Variants in RIT2 observed in about 807,000 individuals in gnomAD.
RIT2 encodes Ras like without CAAX 2.
In RIT2, 24 loss-of-function variants were observed where a neutral mutation model predicts 23.7. The observed-to-expected ratio is 1.01, with a 90% CI of 0.73 to 1.43. The LOEUF is 1.43. RIT2 is among the 40% of genes most tolerant of loss of function. RIT2 has a pLI of 0.00. For missense variants in RIT2, 236 were observed against 266.9 expected, an observed-to-expected ratio of 0.88 and a Z score of 0.81; for synonymous variants, 107 against 91.1, an observed-to-expected ratio of 1.17 and a Z score of -0.99.
At chr18:42,854,795 C>T (rs1432539632) in intron 4 of RIT2, among the ~76,000 whole-genome samples, 1 of 152,188 alleles carries the variant, frequency 6.6e-6, no homozygotes, top group Non-Finnish European at 1.5e-5. Context: ...CTTGGCCTTA[C>T]TGTATCCATC....
At chr18:42,827,589 A>G (rs1376921638) in intron 4 of RIT2, among the ~76,000 whole-genome samples, 4 of 152,208 alleles carry the variant, frequency 2.6e-5, no homozygotes, top group African/African-American at 9.6e-5. Context: ...GAACTCACAC[A>G]CAAATCAGTA....
intron 4 of RIT2, among the ~76,000 whole-genome samples, chr18:42,753,929 C>T (rs991379308): frequency 6.6e-5 from 10 of 152,092 alleles, no homozygotes; most frequent in South Asian, 6.2e-4. Context: ...AAACTCCTTC[C>T]GGGAACAGCA....
At chr18:43,036,478 T>C (rs1466526460) in intron 1 of RIT2, among the ~76,000 whole-genome samples, 2 of 152,104 alleles carry the variant, frequency 1.3e-5, no homozygotes, top group Admixed American at 6.5e-5. Context: ...AGGTGGAGGT[T>C]GCAGTGAGCC....
chr18:42,915,671 T>A (rs1293348522), intron 4 of RIT2, among the ~76,000 whole-genome samples: 2 of 152,028 alleles, frequency 1.3e-5, no homozygotes, highest in East Asian at 3.9e-4. Flanking sequence ...AACATGAAAC[T>A]ATCAAGTGGA....
At chr18:43,046,419 T>C (rs1912248629) in intron 1 of RIT2, among the ~76,000 whole-genome samples, 1 of 152,156 alleles carries the variant, frequency 6.6e-6, no homozygotes, top group Non-Finnish European at 1.5e-5. Flanking sequence ...ACTAGATCAG[T>C]CCCTGGACTG....
chr18:42,842,654 T>C (rs1390390961), intron 4 of RIT2, among the ~76,000 whole-genome samples: 2 of 152,114 alleles, frequency 1.3e-5, no homozygotes, highest in Non-Finnish European at 2.9e-5. Context: ...GAGCATCCCA[T>C]ATCCAAAAAT....
chr18:42,918,065 AG>A (rs1404389904), intron 4 of RIT2, among the ~76,000 whole-genome samples: 1 of 152,174 alleles, frequency 6.6e-6, no homozygotes, highest in Non-Finnish European at 1.5e-5. Flanking sequence ...TTGTGCAGTT[AG>A]AATACACATA....
chr18:42,770,636 T>C (rs779835702), intron 4 of RIT2, among the ~76,000 whole-genome samples: 43 of 152,198 alleles, frequency 2.8e-4, no homozygotes, highest in Non-Finnish European at 4.1e-4. Flanking sequence ...AATATTTTCT[T>C]GGTAAGGGAT....
chr18:42,837,665 TGACAGGAAGATGA>T (rs1383097827), intron 4 of RIT2, among the ~76,000 whole-genome samples: 1 of 152,118 alleles, frequency 6.6e-6, no homozygotes, highest in Non-Finnish European at 1.5e-5. Flanking sequence ...CAAAACTACA[TGACAGGAAGATGA>T]GCAAAGAAAG....
At position 42,860,749 on chromosome 18, in the gene RIT2, A is replaced by C. The variant is rs149330201; in HGVS notation, c.426+62823T>G. Among the ~76,000 whole-genome samples the C allele has an allele frequency of 2.2e-3, 333 of 152,286 alleles. 2 individuals are homozygous for C. Among genetic ancestry groups the C allele is most frequent in the African/African-American group, 7.4e-3 (309 of 41,560 alleles). The stretch of plus-strand genomic sequence containing the variant: ...CTGGTTTTTATGCATTCTTTATGCC[A>C]GCAGACTAGAGTTAAGGCAGGGCCT... On this transcript the variant is annotated intron_variant, in intron 4 of 4. Coordinates refer to ENST00000326695, the MANE Select transcript of RIT2 (RefSeq NM_002930.4).
At chr18:42,973,941 A>T in intron 3 of RIT2, 133 bp downstream of exon 3, 1 of 595,816 alleles carries the variant, frequency 1.7e-6, no homozygotes, top group Non-Finnish European at 2.9e-6. Flanking sequence ...TTTAAAATTT[A>T]ATTCCTGATT....
At chr18:42,845,010 T>C (rs1196001029) in intron 4 of RIT2, among the ~76,000 whole-genome samples, 1 of 152,148 alleles carries the variant, frequency 6.6e-6, no homozygotes, top group East Asian at 1.9e-4. Context: ...TGCTGTCCAT[T>C]ATTGCCATAA....
chr18:43,084,249 G>A (rs1913227827), intron 1 of RIT2, among the ~76,000 whole-genome samples: 2 of 152,160 alleles, frequency 1.3e-5, no homozygotes, highest in Admixed American at 1.3e-4. Context: ...ATGCTGGCAA[G>A]GCTGTGGAGC....
At chr18:43,028,525 G>A (rs551241529) in intron 2 of RIT2, among the ~76,000 whole-genome samples, 7 of 152,100 alleles carry the variant, frequency 4.6e-5, no homozygotes, top group South Asian at 2.1e-4. Flanking sequence ...AGTTTCATAC[G>A]AATTATCTTT....
chr18:43,008,468 G>A (rs550399945), intron 2 of RIT2, among the ~76,000 whole-genome samples: 11 of 151,182 alleles, frequency 7.3e-5, no homozygotes, highest in African/African-American at 1.2e-4. Flanking sequence ...AGAGAGCTTT[G>A]GGGTAACTGG....
chr18:42,886,486 C>T (rs552626438), intron 4 of RIT2, among the ~76,000 whole-genome samples: 9 of 152,120 alleles, frequency 5.9e-5, no homozygotes, highest in Non-Finnish European at 1.2e-4. Context: ...TAGAGAGATT[C>T]CAGTGCTAGG....
intron 3 of RIT2, among the ~76,000 whole-genome samples, chr18:42,934,374 T>A (rs1338620526): frequency 6.6e-6 from 1 of 152,198 alleles, no homozygotes; most frequent in Non-Finnish European, 1.5e-5. Flanking sequence ...ACAATAATTT[T>A]AAAATTGCAT....
intron 4 of RIT2, among the ~76,000 whole-genome samples, chr18:42,830,011 C>A (rs1483889071): frequency 6.6e-6 from 1 of 152,060 alleles, no homozygotes; most frequent in Non-Finnish European, 1.5e-5. Flanking sequence ...AAATGAGATA[C>A]ATAGATGAGG....
At chr18:42,747,715 G>T (rs559553209) in intron 4 of RIT2, among the ~76,000 whole-genome samples, 1 of 151,994 alleles carries the variant, frequency 6.6e-6, no homozygotes, top group Non-Finnish European at 1.5e-5. Flanking sequence ...ATAGAATAGA[G>T]AACCCAGAAA....
Sources: gnomAD v4.1 joint callset for allele counts (sites outside exome capture counted in the v4.1 genomes callset) on GRCh38, gnomAD v4.1.1 for gene constraint, MANE v1.5 for transcripts, NCBI Gene and HGNC (gene_info 2026-07-23, HGNC 2026-07-21) for gene names.